Variants in TENM3 observed in about 807,000 individuals in gnomAD.
TENM3 encodes teneurin-3.
In TENM3, 63 loss-of-function variants were observed where a neutral mutation model predicts 255.1. The observed-to-expected ratio is 0.25, with a 90% CI of 0.20 to 0.30. The LOEUF (loss-of-function observed/expected upper bound fraction) is 0.30. Among genes scored for constraint, TENM3 ranks in the 10% least tolerant of loss-of-function variants. The pLI, the probability that TENM3 is intolerant of heterozygous loss-of-function variation, is 1.00. For synonymous variants in TENM3, 1,306 were observed against 1,322.3 expected (o/e 0.99, Z 0.27); for missense variants, 2,929 against 3,461.1 (o/e 0.85, Z 3.86).
At chr4:182,057,179 G>C in the TENM3 span, among the ~76,000 whole-genome samples, 4 of 151,660 alleles carry the variant, frequency 2.6e-5, no homozygotes, top group Non-Finnish European at 4.4e-5. Flanking sequence ...TGCATTGGAT[G>C]ATAAGTATTT....
chr4:181,952,554 G>A, the TENM3 span, among the ~76,000 whole-genome samples: 15 of 152,320 alleles, frequency 9.8e-5, no homozygotes, highest in African/African-American at 3.1e-4. Context: ...ATTCGGAAGG[G>A]AAGAAAGAAG....
chr4:181,921,728 C>T, the TENM3 span, among the ~76,000 whole-genome samples: 2 of 152,088 alleles, frequency 1.3e-5, 1 homozygote, highest in Admixed American at 1.3e-4. Flanking sequence ...CCCTTTATTT[C>T]CTTCTCCTGA....
At chr4:181,476,347 C>G in the TENM3 span, among the ~76,000 whole-genome samples, 1 of 151,926 alleles carries the variant, frequency 6.6e-6, no homozygotes, top group South Asian at 2.1e-4. Context: ...GCCTGTTTAC[C>G]CATGCGGCTT....
the TENM3 span, among the ~76,000 whole-genome samples, chr4:181,544,413 A>AAAAAAAAAAC: frequency 4.0e-3 from 469 of 115,884 alleles, 13 homozygotes; most frequent in Non-Finnish European, 6.4e-3. Context: ...AGGATTAAAA[A>AAAAAAAAAAC]AAAAAAAAAA....
At chr4:182,116,597 T>A in the TENM3 span, among the ~76,000 whole-genome samples, 1 of 152,134 alleles carries the variant, frequency 6.6e-6, no homozygotes, top group Non-Finnish European at 1.5e-5. Flanking sequence ...TGATTGTAAG[T>A]TTCCTGAGGC....
the TENM3 span, among the ~76,000 whole-genome samples, chr4:182,115,201 T>A: frequency 2.6e-5 from 4 of 152,184 alleles, no homozygotes; most frequent in African/African-American, 7.2e-5. Context: ...ATAAAATATC[T>A]ACAAACCCTC....
chr4:182,126,794 G>C, the TENM3 span, among the ~76,000 whole-genome samples: 2 of 152,134 alleles, frequency 1.3e-5, no homozygotes, highest in African/African-American at 4.8e-5. Flanking sequence ...CTATGCCTAT[G>C]GTCTGTGAGT....
chr4:181,879,495 A>G, the TENM3 span, among the ~76,000 whole-genome samples: 1 of 152,306 alleles, frequency 6.6e-6, no homozygotes, highest in Non-Finnish European at 1.5e-5. Flanking sequence ...GAAGCAGTGA[A>G]GGAAAATTGC....
chr4:181,732,206 G>A, the TENM3 span, among the ~76,000 whole-genome samples: 1 of 152,314 alleles, frequency 6.6e-6, no homozygotes, highest in African/African-American at 2.4e-5. Context: ...GGTGATGGGA[G>A]AAGGAGCTAG....
At chr4:181,988,036 T>C in the TENM3 span, among the ~76,000 whole-genome samples, 1 of 151,984 alleles carries the variant, frequency 6.6e-6, no homozygotes, top group African/African-American at 2.4e-5. Context: ...TTTTAAAAAA[T>C]GAGAGTTGAA....
the TENM3 span, among the ~76,000 whole-genome samples, chr4:181,800,224 C>G: frequency 6.6e-6 from 1 of 152,170 alleles, no homozygotes; most frequent in Non-Finnish European, 1.5e-5. Context: ...GTGTATTCTA[C>G]GTAGACTGAA....
chr4:182,411,674 T>C (rs965538701), intron 3 of TENM3, among the ~76,000 whole-genome samples: 1 of 152,138 alleles, frequency 6.6e-6, no homozygotes, highest in Non-Finnish European at 1.5e-5. Context: ...GCGTGGAACT[T>C]TTCCTTCTCC....
the TENM3 span, among the ~76,000 whole-genome samples, chr4:181,605,565 A>AGG: frequency 1.7e-4 from 5 of 29,860 alleles, no homozygotes; most frequent in African/African-American, 3.4e-4. Context: ...AAAGAAAGAA[A>AGG]GAAAGAGAGA....
intron 3 of TENM3, among the ~76,000 whole-genome samples, chr4:182,409,960 ACTGGCTGCAGAGTAGCCATCATGC>A (rs1204764891): frequency 6.6e-6 from 1 of 151,748 alleles, no homozygotes; most frequent in Non-Finnish European, 1.5e-5. Flanking sequence ...AGTAGCTGAG[ACTGGCTGCAGAGTAGCCATCATGC>A]CTGGCTAATT....
chr4:182,203,236 G>T (rs1414130999), intron 1 of TENM3, among the ~76,000 whole-genome samples: 3 of 151,218 alleles, frequency 2.0e-5, no homozygotes, highest in South Asian at 2.1e-4. Flanking sequence ...AAAAGAAAAA[G>T]AAAAGAAAAT....
At chr4:181,844,518 A>T in the TENM3 span, among the ~76,000 whole-genome samples, 13 of 152,034 alleles carry the variant, frequency 8.6e-5, no homozygotes, top group African/African-American at 2.2e-4. Context: ...AATGCAAAAA[A>T]TTAGCCGGGA....
intron 1 of TENM3, among the ~76,000 whole-genome samples, chr4:182,173,902 A>T (rs368127048): frequency 1.1e-4 from 16 of 152,310 alleles, no homozygotes; most frequent in African/African-American, 3.8e-4. Flanking sequence ...TGTCTGGAGT[A>T]TGGATGATTT....
chr4:181,727,699 G>A, the TENM3 span, among the ~76,000 whole-genome samples: 7 of 152,080 alleles, frequency 4.6e-5, no homozygotes, highest in Admixed American at 1.3e-4. Context: ...TTTGAGAATC[G>A]AGAACATAAA....
At chr4:182,748,372 G>C (rs974976456) in intron 19 of TENM3, among the ~76,000 whole-genome samples, 3 of 152,182 alleles carry the variant, frequency 2.0e-5, no homozygotes, top group African/African-American at 7.2e-5. Flanking sequence ...TCCAGCTGCT[G>C]GCTGCAGCCG....
Sources: gnomAD v4.1 joint callset for allele counts (sites outside exome capture counted in the v4.1 genomes callset) on GRCh38, gnomAD v4.1.1 for gene constraint, MANE v1.5 for transcripts, NCBI Gene and HGNC (gene_info 2026-07-23, HGNC 2026-07-21) for gene names.